The following HS2ST1 variants were observed in gnomAD, a reference collection of about 807,000 sequenced individuals.
The protein encoded by HS2ST1 is heparan sulfate 2-O-sulfotransferase 1, also known as 2-O-sulfotransferase.
Under a neutral mutation model 42.9 loss-of-function variants are expected in HS2ST1, and 18 were observed. The observed-to-expected ratio is 0.42, with a 90% CI of 0.29 to 0.62. HS2ST1 has a LOEUF of 0.62. HS2ST1 is among the 20% of genes least tolerant of loss of function. The pLI, the probability that HS2ST1 is intolerant of heterozygous loss-of-function variation, is 0.21. For missense variants in HS2ST1, 334 were observed against 433.8 expected, an observed-to-expected ratio of 0.77 and a Z score of 2.04; for synonymous variants, 146 against 152.9, an observed-to-expected ratio of 0.95 and a Z score of 0.33.
chr1:86,917,971 A>G (rs531216426), intron 1 of HS2ST1, among the ~76,000 whole-genome samples: 9 of 152,360 alleles, frequency 5.9e-5, no homozygotes, highest in Admixed American at 2.6e-4. Context: ...CAAAATCACA[A>G]TGTTAAAAAA....
chr1:87,059,423 G>A (rs182168556), intron 1 of HS2ST1, among the ~76,000 whole-genome samples: 37 of 152,174 alleles, frequency 2.4e-4, no homozygotes, highest in Non-Finnish European at 3.7e-4. Flanking sequence ...TGTTACAGTG[G>A]CATTTGTTCA....
intron 1 of HS2ST1, chr1:86,934,907 G>T (rs12062091): frequency 0.26 from 31,084 of 119,748 alleles, 4,169 homozygotes; most frequent in African/African-American, 0.41. Context: ...CTGCCTGGGC[G>T]ACAAAGCCAG....
At chr1:86,955,458 G>A (rs951913094) in intron 1 of HS2ST1, among the ~76,000 whole-genome samples, 2 of 151,132 alleles carry the variant, frequency 1.3e-5, no homozygotes, top group South Asian at 2.1e-4. Context: ...AACCATTCCC[G>A]CCCACCCCCT....
intron 1 of HS2ST1, among the ~76,000 whole-genome samples, chr1:86,964,575 C>T (rs1004129551): frequency 1.3e-5 from 2 of 152,200 alleles, no homozygotes; most frequent in South Asian, 2.1e-4. Context: ...TGCAGTGAGC[C>T]GAGATGGCAG....
intron 1 of HS2ST1, among the ~76,000 whole-genome samples, chr1:86,981,397 T>C (rs550187824): frequency 1.8e-4 from 28 of 152,282 alleles, no homozygotes; most frequent in African/African-American, 5.5e-4. Context: ...CATTCTAACA[T>C]TAACCCAAAA....
intron 3 of HS2ST1, among the ~76,000 whole-genome samples, chr1:87,090,155 C>T (rs2100648564): frequency 6.6e-6 from 1 of 152,100 alleles, no homozygotes; most frequent in African/African-American, 2.4e-5. Flanking sequence ...TCTTACTACT[C>T]AGTGTACTCT....
At chr1:87,045,312 A>C (rs878897307) in intron 1 of HS2ST1, 28 of 1,186,248 alleles carry the variant, frequency 2.4e-5, no homozygotes, top group East Asian at 4.7e-5. Flanking sequence ...AGCCAGCTGC[A>C]ATTTCTCATT....
chr1:86,955,779 G>A (rs1284888531), intron 1 of HS2ST1, among the ~76,000 whole-genome samples: 1 of 152,196 alleles, frequency 6.6e-6, no homozygotes, highest in Non-Finnish European at 1.5e-5. Flanking sequence ...GAGTCCAGGA[G>A]TTTGGGACCA....
intron 3 of HS2ST1, among the ~76,000 whole-genome samples, chr1:87,084,871 C>G (rs535231303): frequency 8.0e-5 from 12 of 150,826 alleles, no homozygotes; most frequent in Non-Finnish European, 2.9e-5. Flanking sequence ...TCACTCACTC[C>G]TGGACTCAGG....
chr1:86,918,137 C>T (rs1049504669), intron 1 of HS2ST1, among the ~76,000 whole-genome samples: 1 of 151,774 alleles, frequency 6.6e-6, no homozygotes, highest in East Asian at 1.9e-4. Flanking sequence ...GGTGAGACTT[C>T]TAATAGAGCA....
chr1:87,089,886 C>G (rs533741479), intron 3 of HS2ST1, among the ~76,000 whole-genome samples: 1 of 152,100 alleles, frequency 6.6e-6, no homozygotes, highest in East Asian at 1.9e-4. Context: ...GCTGTCTGCT[C>G]CACATGTCAG....
chr1:86,984,933 G>A (rs895111735), intron 1 of HS2ST1, among the ~76,000 whole-genome samples: 25 of 148,656 alleles, frequency 1.7e-4, no homozygotes, highest in African/African-American at 5.4e-4. Context: ...AAGTTATGCC[G>A]TTTCTTACAG....
chr1:87,100,834 A>C (rs1652179281), intron 5 of HS2ST1, among the ~76,000 whole-genome samples: 1 of 152,122 alleles, frequency 6.6e-6, no homozygotes, highest in Non-Finnish European at 1.5e-5. Flanking sequence ...GGTAGGAAGA[A>C]CACATGAGTC....
At chr1:86,936,957 T>C (rs61800757) in intron 1 of HS2ST1, among the ~76,000 whole-genome samples, 2 of 139,158 alleles carry the variant, frequency 1.4e-5, no homozygotes, top group African/African-American at 2.7e-5. Flanking sequence ...AAAAAAAAAT[T>C]AGCCGGGCAT....
Position 87,060,123 on chromosome 1 carries a change from C to CTT in HS2ST1, c.125-12809_125-12808dup, listed in dbSNP as rs546323096. 1.2e-3 allele frequency among the ~76,000 whole-genome samples: 181 copies of CTT among 152,012 alleles called. 1 individual carries two copies. Among genetic ancestry groups the CTT allele is most frequent in the African/African-American group, 4.1e-3 (170 of 41,464 alleles). On this transcript the variant is annotated intron_variant, in intron 1 of 6. Transcript: ENST00000370550. The stretch of plus-strand genomic sequence containing the variant: ...TGGCTTTGGTTGTGGTTTTTTATAA[C>CTT]TTTAAATTTTGAGATAATTATATAT...
intron 1 of HS2ST1, among the ~76,000 whole-genome samples, chr1:86,985,570 T>A (rs147238588): frequency 0.029 from 2,969 of 101,378 alleles, 57 homozygotes; most frequent in African/African-American, 0.055. Flanking sequence ...ACACACACAT[T>A]TCTAACAGAA....
chr1:87,047,556 TG>T (rs1650716187), intron 1 of HS2ST1, among the ~76,000 whole-genome samples: 1 of 152,196 alleles, frequency 6.6e-6, no homozygotes, highest in Non-Finnish European at 1.5e-5. Context: ...TATTTAGGTC[TG>T]TGATTCATTT....
At position 86,996,241 on chromosome 1, in the gene HS2ST1, G is replaced by A. The variant is rs185459932; in HGVS notation, c.125-76693G>A. Among the ~76,000 whole-genome samples the A allele has an allele frequency of 4.0e-3, 610 of 152,028 alleles. 4 individuals carry two copies. The highest frequency in any genetic ancestry group is 6.8e-3 in the Non-Finnish European group (460 of 67,970). ...GCGGATCACTTGAGATTGGGAGTTCGAGACCAGCCTGATCAACATGGAAAA... is the reference window on the plus strand; with the variant it reads ...GCGGATCACTTGAGATTGGGAGTTCAAGACCAGCCTGATCAACATGGAAAA... On this transcript the variant is annotated intron_variant, in intron 1 of 6. Transcript: ENST00000370550.
chr1:87,104,395 A>G (rs997717397), intron 6 of HS2ST1, 75 bp from the exon 7 acceptor site: 8 of 907,828 alleles, frequency 8.8e-6, no homozygotes, highest in South Asian at 6.0e-5. Flanking sequence ...CACCTCTTCA[A>G]ATAAAGAGGC....
Sources: allele counts gnomAD v4.1 joint callset (sites outside exome capture counted in the v4.1 genomes callset), GRCh38; gene constraint gnomAD v4.1.1; transcripts MANE v1.5; gene names NCBI Gene and HGNC (gene_info 2026-07-23, HGNC 2026-07-21).